Variants in PCDHA5 observed in about 807,000 individuals in gnomAD.
PCDHA5 encodes the protein protocadherin alpha-5.
Under a neutral mutation model 61.6 loss-of-function variants are expected in PCDHA5, and 43 were observed. That is an observed-to-expected ratio of 0.70 (90% CI 0.55 to 0.90). The LOEUF (loss-of-function observed/expected upper bound fraction) is 0.90. Among genes scored for constraint, PCDHA5 ranks in the 40% least tolerant of loss-of-function variants. PCDHA5 has a pLI of 0.00. For missense variants in PCDHA5, 1,298 were observed against 1,222.7 expected (o/e 1.06, Z -0.92); for synonymous variants, 627 against 543.9 (o/e 1.15, Z -2.13).
At chr5:140,899,714 T>C (rs1554188719) in intron 1 of PCDHA5, among the ~76,000 whole-genome samples, 1 of 152,242 alleles carries the variant, frequency 6.6e-6, no homozygotes, top group African/African-American at 2.4e-5. Context: ...TAGGGAGGAT[T>C]CCCTCTTTTT....
intron 1 of PCDHA5, chr5:140,875,549 T>G: frequency 1.2e-6 from 2 of 1,613,916 alleles, no homozygotes; most frequent in Non-Finnish European, 1.7e-6. Flanking sequence ...GCCTGGGAGG[T>G]GGGGAGCGGC....
Position 140,876,293 on chromosome 5 carries a change from A to G in PCDHA5, c.2352+52166A>G, listed in dbSNP as rs201253884. Reference sequence around the variant, plus strand: ...GCTTCCGATCCAGACGAAGGACTTAATGGAGAAATTTCCTATGGGATCAAA... The same window carrying G: ...GCTTCCGATCCAGACGAAGGACTTAGTGGAGAAATTTCCTATGGGATCAAA... On this transcript the variant is annotated intron_variant, in intron 1 of 3. Transcript: ENST00000529859. The G allele has an allele frequency of 9.9e-6, 16 of 1,613,942 alleles. No homozygotes were observed. The highest frequency in any genetic ancestry group is 2.5e-6 in the Non-Finnish European group (3 of 1,179,906).
chr5:140,846,669 C>T (rs894601442), intron 1 of PCDHA5, among the ~76,000 whole-genome samples: 2 of 149,244 alleles, frequency 1.3e-5, no homozygotes, highest in Non-Finnish European at 3.0e-5. Flanking sequence ...CCACCGCGCC[C>T]AGCCTAAAAT....
intron 1 of PCDHA5, among the ~76,000 whole-genome samples, chr5:140,949,947 A>G (rs1554219242): frequency 6.6e-6 from 1 of 151,676 alleles, no homozygotes; most frequent in African/African-American, 2.4e-5. Flanking sequence ...TGCATTTTTT[A>G]GTGGTTGCTG....
chr5:140,969,074 C>T (rs782163688), intron 1 of PCDHA5: 3 of 1,614,142 alleles, frequency 1.9e-6, no homozygotes, highest in Non-Finnish European at 2.5e-6. Flanking sequence ...CAGGATACCG[C>T]ATGGCCTCAA....
Position 140,983,978 on chromosome 5 carries a change from G to A in PCDHA5, c.2500+1415G>A, listed in dbSNP as rs529150173. Among the ~76,000 whole-genome samples the A allele has an allele frequency of 5.3e-5, 8 of 152,266 alleles. No individual in the cohort carries two copies. The South Asian group carries it at 1.5e-3, about 28-fold the overall frequency. Reference sequence around the variant, plus strand: ...AGTCACATTTGTCCAAAAAATATACGAGTTGAAGCAATTCATTAGAGAGCT... The same window carrying A: ...AGTCACATTTGTCCAAAAAATATACAAGTTGAAGCAATTCATTAGAGAGCT... On this transcript the variant is annotated intron_variant, in intron 3 of 3. Transcript: ENST00000529859.
chr5:140,836,217 C>T, intron 1 of PCDHA5: 1 of 1,613,820 alleles, frequency 6.2e-7, no homozygotes, highest in Non-Finnish European at 8.5e-7. Flanking sequence ...GTATGAGTTG[C>T]AACCGGTGGC....
chr5:141,002,494 C>CGGT (rs2098083464), intron 3 of PCDHA5, among the ~76,000 whole-genome samples: 1 of 152,228 alleles, frequency 6.6e-6, no homozygotes, highest in Admixed American at 6.5e-5. Flanking sequence ...CCTTGTTATA[C>CGGT]AGCTCAGGAT....
chr5:140,904,039 A>T (rs947456842), intron 1 of PCDHA5, among the ~76,000 whole-genome samples: 5 of 152,138 alleles, frequency 3.3e-5, no homozygotes, highest in Non-Finnish European at 7.4e-5. Context: ...TAACTTTTTA[A>T]TTTTTTTATT....
chr5:140,823,459 C>T lies in PCDHA5; in HGVS notation c.1684C>T (p.Pro562Ser). Reference protein sequence around the residue: ...VFVLDENDNAPALLVPRVGGT... With the variant: ...VFVLDENDNASALLVPRVGGT... ...CGTGCTGGACGAGAACGACAACGCG[C>T]CGGCGCTGCTGGTGCCTCGAGTGGG... Residue 562 changes from proline (P) to serine (S), a missense_variant, in exon 1 of 4, where the codon CCG becomes TCG. Transcript: ENST00000529859. The T allele has an allele frequency of 6.2e-7, 1 of 1,613,438 alleles. No homozygotes were observed.
chr5:140,822,992 T>G lies in PCDHA5; in HGVS notation c.1217T>G (p.Leu406Trp). The change falls in exon 1 of 4, where the codon TTG becomes TGG. Residue 406 changes from leucine (L) to tryptophan (W), a missense_variant. By Grantham distance (61) the Leu-to-Trp change is moderately conservative. Coordinates refer to ENST00000529859, the MANE Select transcript of PCDHA5 (RefSeq NM_018908.3). ...LVSTFKNYYSLVLDSALDRES... is the reference protein window; with the variant it reads ...LVSTFKNYYSWVLDSALDRES... ...TCCACCTTCAAGAATTACTACTCGT[T>G]GGTGCTGGACAGCGCCCTGGACCGC... The G allele has an allele frequency of 6.2e-7, 1 of 1,614,216 alleles. No homozygotes were observed. Among genetic ancestry groups the G allele is most frequent in the Non-Finnish European group, 8.5e-7 (1 of 1,180,004 alleles).
At chr5:140,937,824 A>C (rs1229119616) in intron 1 of PCDHA5, among the ~76,000 whole-genome samples, 1 of 151,696 alleles carries the variant, frequency 6.6e-6, no homozygotes, top group African/African-American at 2.4e-5. Flanking sequence ...AGGCAGGAGA[A>C]TGGCATGAAC....
At chr5:140,958,344 T>A (rs1247122967) in intron 1 of PCDHA5, among the ~76,000 whole-genome samples, 2 of 152,128 alleles carry the variant, frequency 1.3e-5, no homozygotes, top group African/African-American at 4.8e-5. Context: ...CACAGGAAGT[T>A]CACAGTCTGA....
chr5:140,877,068 G>C (rs1050946101), intron 1 of PCDHA5: 4 of 1,613,122 alleles, frequency 2.5e-6, no homozygotes, highest in Non-Finnish European at 3.4e-6. Context: ...AGCTGCTGCA[G>C]TTCCAGGTGA....
rs530428922 is a variant in PCDHA5, at chr5:140,875,375, A to G, written c.2352+51248A>G. On this transcript the variant is annotated intron_variant, in intron 1 of 3. Transcript: ENST00000529859. ...TGTGATGCTGGAAAAAATTTACTAA[A>G]TATGTACTTACAGAAAAGGGTGACT... 70 of 1,456,838 alleles carry G rather than the reference A, an allele frequency of 4.8e-5. No individual in the cohort carries two copies. The African/African-American group carries it at 9.9e-4, about 21-fold the overall frequency. The allele number at this position is 1,456,838 out of a possible 1,614,324, so 90.2% of individuals were successfully genotyped here. A position where few individuals can be genotyped will look rare whatever the true frequency, so the allele number is the denominator to read the frequency against.
chr5:140,869,589 T>A, intron 1 of PCDHA5: 1 of 1,614,120 alleles, frequency 6.2e-7, no homozygotes. Context: ...ATGCTGACAT[T>A]GAAGAGAATG....
chr5:140,869,835 A>G (rs782478328), intron 1 of PCDHA5: 160 of 1,611,656 alleles, frequency 9.9e-5, no homozygotes, highest in Non-Finnish European at 1.3e-4. Context: ...AGTTTGATAA[A>G]TCAGAATATA....
intron 1 of PCDHA5, chr5:140,828,537 A>G: frequency 6.2e-7 from 1 of 1,614,236 alleles, no homozygotes; most frequent in Non-Finnish European, 8.5e-7. Flanking sequence ...AGGCTGCCAG[A>G]TTCTGTGTTT....
chr5:140,941,185 CTTT>C (rs782102770), intron 1 of PCDHA5, among the ~76,000 whole-genome samples: 1 of 102,176 alleles, frequency 9.8e-6, no homozygotes, highest in Admixed American at 9.9e-5. Flanking sequence ...CATCCTGCTT[CTTT>C]TTTTTTCTTT....
Sources: gnomAD v4.1 joint callset for allele counts (sites outside exome capture counted in the v4.1 genomes callset) on GRCh38, gnomAD v4.1.1 for gene constraint, MANE v1.5 for transcripts, NCBI Gene and HGNC (gene_info 2026-07-23, HGNC 2026-07-21) for gene names.